Variants in HELZ observed in about 807,000 individuals in gnomAD.
The protein encoded by HELZ is ATP-dependent RNA helicase with zinc finger domain.
HELZ carries 23 observed loss-of-function variants against 218.2 expected under a neutral mutation model. The observed-to-expected ratio is 0.11, with a 90% CI of 0.08 to 0.15. The LOEUF (loss-of-function observed/expected upper bound fraction) is 0.15, where lower values mean the gene tolerates loss of function less well. HELZ is among the 10% of genes least tolerant of loss of function. The pLI is 1.00. For missense variants in HELZ, 1,813 were observed against 2,353.7 expected (o/e 0.77, Z 4.75); for synonymous variants, 814 against 829.4 (o/e 0.98, Z 0.32).
intron 17 of HELZ, among the ~76,000 whole-genome samples, chr17:67,155,581 C>T (rs2038814542): frequency 6.6e-6 from 1 of 152,050 alleles, no homozygotes; most frequent in Admixed American, 6.6e-5. Context: ...AAAAATGAAG[C>T]TACCATACAC....
At chr17:67,151,605 T>C (rs2038685304) in intron 17 of HELZ, among the ~76,000 whole-genome samples, 1 of 152,204 alleles carries the variant, frequency 6.6e-6, no homozygotes, top group Admixed American at 6.5e-5. Flanking sequence ...CAAAAATACA[T>C]TGACTCATAT....
rs2035963512 is a variant in HELZ at position 67,074,253 on chromosome 17, A to AG, written c.*3998_*3999insC. On this transcript the variant is annotated 3_prime_UTR_variant, in exon 33 of 33. Coordinates refer to ENST00000358691, the MANE Select transcript of HELZ (RefSeq NM_014877.4). ...TACTACCATTGAGGAGCTGGAGGGA[A>AG]AAAAAAAAACACAATGGCTAGCTTA... 1 of 151,116 alleles carries AG rather than the reference A, an allele frequency of 6.6e-6. No individual in the cohort carries two copies. The highest frequency in any genetic ancestry group is 1.5e-5 in the Non-Finnish European group (1 of 67,732). 9.4% of individuals were successfully genotyped at this position (151,116 alleles called of 1,614,324 possible).
Position 67,188,134 on chromosome 17 carries a change from G to A in HELZ, c.1162+185C>T. The stretch of plus-strand genomic sequence containing the variant: ...TTCAAGCTTTACCTGGTGGCTCTGT[G>A]AAGAAATCAGGGCACAGTGTGAATC... On this transcript the variant is annotated intron_variant, in intron 12 of 32. Coordinates refer to ENST00000358691, the MANE Select transcript of HELZ (RefSeq NM_014877.4). This position sits in a 1 kb window ranked among gnomAD's most constrained non-coding sequence, Gnocchi z 4.1. The A allele has an allele frequency of 1.8e-6, 1 of 554,456 alleles. No individual in the cohort carries two copies. The allele number at this position is 554,456 out of a possible 1,614,324, so 34.3% of individuals were successfully genotyped here.
At chr17:67,216,197 C>T (rs1238808989) in intron 4 of HELZ, among the ~76,000 whole-genome samples, 1 of 152,186 alleles carries the variant, frequency 6.6e-6, no homozygotes, top group African/African-American at 2.4e-5. Flanking sequence ...CACCTCCCTC[C>T]CCGCCAAAAG....
rs996174631 is a variant in HELZ at position 67,110,578 on chromosome 17, T to C, written c.3919-892A>G. On this transcript the variant is annotated intron_variant, in intron 28 of 32. Coordinates refer to ENST00000358691, the MANE Select transcript of HELZ (RefSeq NM_014877.4). ...GCCAAACAATACACTGTGCCTGGTG[T>C]TGGAAATTAAACAGGCAATAAGAAG... Among the ~76,000 whole-genome samples, 45 of 152,284 alleles carry C rather than the reference T, an allele frequency of 3.0e-4. 1 individual carries two copies. The highest frequency in any genetic ancestry group is 1.0e-3 in the African/African-American group (43 of 41,558).
chr17:67,123,815 CTGTG>C (rs58616216), intron 25 of HELZ, 144 bp downstream of exon 25: 1,512 of 530,818 alleles, frequency 2.8e-3, no homozygotes, highest in Non-Finnish European at 3.4e-3. Context: ...TCCAAAGTGA[CTGTG>C]TGTGTGTGTG....
rs2036074020 is a variant in HELZ at position 67,078,232 on chromosome 17, T to C, written c.*20A>G. On this transcript the variant is annotated 3_prime_UTR_variant, in exon 33 of 33. Transcript: ENST00000358691. ...CAAACAGAAATTAAAACATTCTCCC[T>C]TGAGGGAAAAAAAAAGTGATTATTT... 7.7e-6 allele frequency: 12 copies of C among 1,555,520 alleles called. No individual in the cohort carries two copies. Among genetic ancestry groups the C allele is most frequent in the African/African-American group, 2.7e-5 (2 of 72,894 alleles).
At chr17:67,099,275 G>A (rs2036848471) in intron 31 of HELZ, among the ~76,000 whole-genome samples, 1 of 151,972 alleles carries the variant, frequency 6.6e-6, no homozygotes, top group South Asian at 2.1e-4. Flanking sequence ...TTTATTTTCG[G>A]ATGGCAACCC....
At chr17:67,205,156 G>C (rs943193189) in intron 5 of HELZ, among the ~76,000 whole-genome samples, 22 of 151,842 alleles carry the variant, frequency 1.4e-4, no homozygotes, top group Admixed American at 1.4e-3. Context: ...GTGAAACCCC[G>C]TCTCTACTAA....
rs761809793 is a variant in HELZ at position 67,188,512 on chromosome 17, T to C, written c.969A>G (p.Gln323=). The C allele has an allele frequency of 1.2e-6, 2 of 1,613,962 alleles. No individual in the cohort carries two copies. Among genetic ancestry groups the C allele is most frequent in the Non-Finnish European group, 1.7e-6 (2 of 1,179,838 alleles). ...ATTCTTGACAGTTTTCTGGGACTTCTTGTGATACCTGGGTAGTACTATCTC... is the reference window on the plus strand; with the variant it reads ...ATTCTTGACAGTTTTCTGGGACTTCCTGTGATACCTGGGTAGTACTATCTC... ...SAGDSTTQVS[Q]EVPENCQEWI... Residue 323 remains glutamine (Q), a synonymous_variant, in exon 12 of 33, where the codon CAA becomes CAG. Coordinates refer to ENST00000358691, the MANE Select transcript of HELZ (RefSeq NM_014877.4). This position sits in a 1 kb window ranked among gnomAD's most constrained non-coding sequence, Gnocchi z 4.1.
At chr17:67,194,650 G>A (rs2039977867) in intron 8 of HELZ, among the ~76,000 whole-genome samples, 1 of 152,058 alleles carries the variant, frequency 6.6e-6, no homozygotes, top group East Asian at 1.9e-4. Context: ...GTTTGGATAG[G>A]AGTTTCCAAA....
At chr17:67,089,095 A>G (rs886547804) in intron 31 of HELZ, among the ~76,000 whole-genome samples, 1 of 152,208 alleles carries the variant, frequency 6.6e-6, no homozygotes, top group African/African-American at 2.4e-5. Flanking sequence ...AGGGGATTAC[A>G]TTCTAAAGTT....
chr17:67,244,356 G>A (rs2041408705), intron 1 of HELZ, among the ~76,000 whole-genome samples: 1 of 152,170 alleles, frequency 6.6e-6, no homozygotes, highest in African/African-American at 2.4e-5. Context: ...AGAACAATCA[G>A]AGGACCCTGG....
chr17:67,226,875 C>T (rs188005098), intron 3 of HELZ, among the ~76,000 whole-genome samples: 1 of 152,086 alleles, frequency 6.6e-6, no homozygotes, highest in African/African-American at 2.4e-5. Flanking sequence ...CATAAAAGAC[C>T]CCAGTCTCAA....
intron 32 of HELZ, among the ~76,000 whole-genome samples, chr17:67,080,525 A>G (rs1054674600): frequency 3.3e-5 from 5 of 152,146 alleles, no homozygotes; most frequent in African/African-American, 9.7e-5. Context: ...GTTGCTTCTC[A>G]TATCTGGAAT....
chr17:67,139,263 A>G (rs903379093), intron 21 of HELZ, among the ~76,000 whole-genome samples: 6 of 152,188 alleles, frequency 3.9e-5, no homozygotes, highest in African/African-American at 1.4e-4. Flanking sequence ...CAGCAAGTGT[A>G]TCACATACAC....
At chr17:67,168,738 CGTGA>C (rs1874738027) in intron 13 of HELZ, among the ~76,000 whole-genome samples, 2 of 152,128 alleles carry the variant, frequency 1.3e-5, no homozygotes, top group Admixed American at 6.5e-5. Flanking sequence ...CATGTGTGCA[CGTGA>C]GTATGAGAGA....
chr17:67,233,911 T>C (rs541904472), intron 3 of HELZ, among the ~76,000 whole-genome samples: 1 of 151,562 alleles, frequency 6.6e-6, no homozygotes, highest in South Asian at 2.1e-4. Context: ...CCAGGTGTGG[T>C]GTCGGGCACC....
At chr17:67,163,033 CTA>C (rs1266045906) in intron 15 of HELZ, among the ~76,000 whole-genome samples, 2 of 152,180 alleles carry the variant, frequency 1.3e-5, no homozygotes, top group Non-Finnish European at 2.9e-5. Flanking sequence ...CACTGTGATT[CTA>C]TGATACCTGC....
Sources: allele counts gnomAD v4.1 joint callset (sites outside exome capture counted in the v4.1 genomes callset), GRCh38; gene constraint gnomAD v4.1.1; non-coding constraint Gnocchi (gnomAD v3.1); transcripts MANE v1.5; gene names NCBI Gene and HGNC (gene_info 2026-07-23, HGNC 2026-07-21).